DSCAM: variants seen among roughly 807,000 people sequenced by gnomAD.
DSCAM encodes cell adhesion molecule DSCAM.
A neutral mutation model predicts 217.7 loss-of-function variants in DSCAM; 47 were observed. The observed-to-expected ratio is 0.22, with a 90% CI of 0.17 to 0.28. The LOEUF is 0.28. Among genes scored for constraint, DSCAM ranks in the 10% least tolerant of loss-of-function variants. The pLI, the probability that DSCAM is intolerant of heterozygous loss-of-function variation, is 1.00. For missense variants in DSCAM, 2,080 were observed against 2,618.3 expected, an observed-to-expected ratio of 0.79 and a Z score of 4.49; for synonymous variants, 1,056 against 1,015.3, an observed-to-expected ratio of 1.04 and a Z score of -0.76.
chr21:40,443,573 G>A (rs1400257141), intron 3 of DSCAM, among the ~76,000 whole-genome samples: 1 of 152,012 alleles, frequency 6.6e-6, no homozygotes, highest in Non-Finnish European at 1.5e-5. Flanking sequence ...TAAAATCTAG[G>A]TTTATATCAT....
chr21:40,488,605 T>C (rs571629728), intron 3 of DSCAM, among the ~76,000 whole-genome samples: 1 of 152,084 alleles, frequency 6.6e-6, no homozygotes, highest in South Asian at 2.1e-4. Context: ...AAGGTAAAAA[T>C]CAAATCATCT....
At chr21:40,494,847 C>T (rs7410074) in intron 3 of DSCAM, among the ~76,000 whole-genome samples, 13,140 of 142,078 alleles carry the variant, frequency 0.092, 677 homozygotes, top group Middle Eastern at 0.15. Flanking sequence ...AAAAATAGAA[C>T]CAACAAATCG....
chr21:40,155,984 T>G (rs1005959935), intron 16 of DSCAM, among the ~76,000 whole-genome samples: 2 of 151,960 alleles, frequency 1.3e-5, no homozygotes, highest in Non-Finnish European at 2.9e-5. Flanking sequence ...TGCTCTGACA[T>G]GCACACAGGG....
chr21:40,605,506 TAC>T (rs931017431), intron 3 of DSCAM, among the ~76,000 whole-genome samples: 12 of 152,216 alleles, frequency 7.9e-5, no homozygotes, highest in Admixed American at 7.2e-4. Context: ...CTTTGAGAGA[TAC>T]AGAGTCTCTA....
intron 3 of DSCAM, among the ~76,000 whole-genome samples, chr21:40,424,778 C>G (rs1010208746): frequency 2.0e-5 from 3 of 152,142 alleles, no homozygotes; most frequent in Non-Finnish European, 4.4e-5. Context: ...TCTAAATAAG[C>G]TGTGTGAGTT....
intron 6 of DSCAM, among the ~76,000 whole-genome samples, chr21:40,344,994 A>T (rs1311899865): frequency 2.6e-5 from 4 of 151,988 alleles, no homozygotes; most frequent in Non-Finnish European, 4.4e-5. Context: ...AGATTGAATA[A>T]TTTTCTAAGA....
chr21:40,765,099 G>GA (rs57966573), intron 1 of DSCAM, among the ~76,000 whole-genome samples: 41 of 104,012 alleles, frequency 3.9e-4, no homozygotes, highest in Admixed American at 7.7e-4. Flanking sequence ...ATGTATCACA[G>GA]AAAAAAAAAA....
intron 8 of DSCAM, among the ~76,000 whole-genome samples, chr21:40,332,206 C>CT (rs1569068150): frequency 6.6e-6 from 1 of 152,172 alleles, no homozygotes; most frequent in East Asian, 1.9e-4. Context: ...TCTGTCTTGA[C>CT]TTTTTAAATA....
At chr21:40,381,347 G>A (rs997245606) in intron 3 of DSCAM, among the ~76,000 whole-genome samples, 5 of 152,230 alleles carry the variant, frequency 3.3e-5, no homozygotes, top group South Asian at 2.1e-4. Context: ...TGTATCAGGC[G>A]GACTCATGTT....
At chr21:40,231,955 C>G (rs1008312379) in intron 11 of DSCAM, among the ~76,000 whole-genome samples, 4 of 152,202 alleles carry the variant, frequency 2.6e-5, no homozygotes, top group African/African-American at 9.7e-5. Flanking sequence ...AGAAACTGGT[C>G]TGGACACCAC....
intron 1 of DSCAM, among the ~76,000 whole-genome samples, chr21:40,781,005 T>C (rs1034087232): frequency 8.9e-6 from 1 of 112,956 alleles, no homozygotes; most frequent in Non-Finnish European, 2.0e-5. Flanking sequence ...GAATTATTAA[T>C]AGTAACATTT....
At chr21:40,492,320 C>G (rs7278139) in intron 3 of DSCAM, among the ~76,000 whole-genome samples, 104,636 of 152,020 alleles carry the variant, frequency 0.69, 37,492 homozygotes, top group African/African-American at 0.91. Context: ...GAAAAAAGAA[C>G]TAATTGAGAA....
chr21:40,601,642 AG>A (rs980399249), intron 3 of DSCAM, among the ~76,000 whole-genome samples: 19 of 152,278 alleles, frequency 1.2e-4, no homozygotes, highest in African/African-American at 4.6e-4. Flanking sequence ...TGTCTGTTAT[AG>A]GTTTTATGTA....
chr21:40,361,966 C>T (rs972514185), intron 4 of DSCAM, among the ~76,000 whole-genome samples: 1 of 152,152 alleles, frequency 6.6e-6, no homozygotes, highest in African/African-American at 2.4e-5. Flanking sequence ...TGTTCCCCCT[C>T]CTGTGTCCAT....
chr21:40,345,923 T>A (rs2074553313), intron 6 of DSCAM, among the ~76,000 whole-genome samples: 1 of 152,226 alleles, frequency 6.6e-6, no homozygotes, highest in African/African-American at 2.4e-5. Flanking sequence ...CCTTTTTAGT[T>A]CAAGTGACAG....
rs150420626 is a variant in DSCAM at position 40,668,883 on chromosome 21, G to GAA, written c.508+23925_508+23926dup. ...AGTCCAGTCAAAAGATAGTGATTGGGAAAAAAACAAAGAAAAGATACAGAA... is the reference window on the plus strand; with the variant it reads ...AGTCCAGTCAAAAGATAGTGATTGGGAAAAAAAAACAAAGAAAAGATACAGAA... On this transcript the variant is annotated intron_variant, in intron 3 of 32. Transcript: ENST00000400454. Among the ~76,000 whole-genome samples, 12 of 151,638 alleles carry GAA rather than the reference G, an allele frequency of 7.9e-5. No homozygotes were observed. The East Asian group carries it at 1.2e-3, about 15-fold the overall frequency.
intron 14 of DSCAM, 146 bp downstream of exon 14, chr21:40,186,985 G>C (rs2090901271): frequency 5.1e-6 from 5 of 977,730 alleles, no homozygotes; most frequent in Middle Eastern, 2.9e-4. Context: ...GCCAGGATGT[G>C]CTTCCAGCAA....
chr21:40,731,384 C>G (rs565469544), intron 1 of DSCAM, among the ~76,000 whole-genome samples: 10 of 152,254 alleles, frequency 6.6e-5, no homozygotes, highest in African/African-American at 2.4e-4. Context: ...CAATCATGGT[C>G]CTCATGATAA....
chr21:40,452,618 A>C (rs1265638074), intron 3 of DSCAM, among the ~76,000 whole-genome samples: 1 of 152,212 alleles, frequency 6.6e-6, no homozygotes, highest in Non-Finnish European at 1.5e-5. Context: ...CATACAATAC[A>C]GCACTCATGC....
Sources: allele counts gnomAD v4.1 joint callset (sites outside exome capture counted in the v4.1 genomes callset), GRCh38; gene constraint gnomAD v4.1.1; transcripts MANE v1.5; gene names NCBI Gene and HGNC (gene_info 2026-07-23, HGNC 2026-07-21).